The following APIP variants were observed in gnomAD, a reference collection of about 807,000 sequenced individuals.
APIP encodes the protein methylthioribulose-1-phosphate dehydratase.
A neutral mutation model predicts 32.0 loss-of-function variants in APIP; 32 were observed. The ratio of observed to expected loss-of-function variants is 1.00; its 90% confidence interval spans 0.76 to 1.34. The LOEUF (loss-of-function observed/expected upper bound fraction) is 1.34. Among genes scored for constraint, APIP ranks in the 40% most tolerant of loss-of-function variants. The pLI is 0.00. For missense variants in APIP, 247 were observed against 298.6 expected, an observed-to-expected ratio of 0.83 and a Z score of 1.27; for synonymous variants, 92 against 94.8, an observed-to-expected ratio of 0.97 and a Z score of 0.17.
At chr11:34,886,825 AC>A (rs1853080787) in intron 5 of APIP, among the ~76,000 whole-genome samples, 1 of 152,082 alleles carries the variant, frequency 6.6e-6, no homozygotes, top group Non-Finnish European at 1.5e-5. Flanking sequence ...TATACCATAT[AC>A]CCTGGGTGTG....
At chr11:34,888,205 T>A in intron 5 of APIP, 88 bp downstream of exon 5, 1 of 1,221,684 alleles carries the variant, frequency 8.2e-7, no homozygotes. Flanking sequence ...CGACATCTCA[T>A]TATATGCATA....
intron 5 of APIP, among the ~76,000 whole-genome samples, chr11:34,887,688 T>TC (rs1853101978): frequency 6.6e-6 from 1 of 152,174 alleles, no homozygotes; most frequent in African/African-American, 2.4e-5. Flanking sequence ...GCTTAGCTTG[T>TC]CCCTGAACAC....
chr11:34,890,323 C>T (rs72926580), intron 3 of APIP, among the ~76,000 whole-genome samples, 181 bp downstream of exon 3: 33,783 of 151,986 alleles, frequency 0.22, 4,918 homozygotes, highest in Non-Finnish European at 0.34. Context: ...AAACATACAC[C>T]GGTTGTATGG....
Position 34,906,016 on chromosome 11 carries a change from T to C in APIP, c.57+10212A>G, listed in dbSNP as rs12278336. On this transcript the variant is annotated intron_variant, in intron 1 of 6. Coordinates refer to ENST00000395787, the MANE Select transcript of APIP (RefSeq NM_015957.4). ...CTCACTTGACATGTCGAATTCCAAA[T>C]GGCATCGTAAATATTGTAAATATGG... Among the ~76,000 whole-genome samples, 221 of 152,298 alleles carry C rather than the reference T, an allele frequency of 1.5e-3. 1 individual carries two copies. The highest frequency in any genetic ancestry group is 5.1e-3 in the African/African-American group (213 of 41,562).
chr11:34,885,562 G>A (rs1324124941), intron 5 of APIP, among the ~76,000 whole-genome samples: 2 of 152,094 alleles, frequency 1.3e-5, no homozygotes, highest in Non-Finnish European at 2.9e-5. Context: ...AAGAGATAAC[G>A]AGAAATGGGG....
Position 34,893,926 on chromosome 11 carries a change from C to T in APIP, c.158+1084G>A, listed in dbSNP as rs554424821. Among the ~76,000 whole-genome samples the T allele has an allele frequency of 3.3e-5, 5 of 152,214 alleles. No homozygotes were observed. In the East Asian group the frequency reaches 9.7e-4, roughly 29 times the overall value. On this transcript the variant is annotated intron_variant, in intron 2 of 6. Coordinates refer to ENST00000395787, the MANE Select transcript of APIP (RefSeq NM_015957.4). ...ACAGCACATAAATATTTTAATAATC[C>T]AATTTTGTTAAAGAAAGTGAATTAG...
At chr11:34,911,642 CA>C (rs1853552726) in intron 1 of APIP, among the ~76,000 whole-genome samples, 1 of 152,064 alleles carries the variant, frequency 6.6e-6, no homozygotes, top group African/African-American at 2.4e-5. Context: ...CTTAAAAAAG[CA>C]AAACTAAACA....
intron 1 of APIP, chr11:34,896,643 G>A: frequency 1.9e-6 from 1 of 525,526 alleles, no homozygotes; most frequent in South Asian, 1.8e-5. Context: ...GAGGGGTGCA[G>A]CAAACCACCA....
At chr11:34,887,334 T>G (rs2956094) in intron 5 of APIP, among the ~76,000 whole-genome samples, 56,569 of 151,986 alleles carry the variant, frequency 0.37, 10,899 homozygotes, top group East Asian at 0.74. Context: ...CCATAAGGCC[T>G]CTCCTTCAGC....
chr11:34,887,365 T>A (rs893401321), intron 5 of APIP, among the ~76,000 whole-genome samples: 2 of 152,192 alleles, frequency 1.3e-5, no homozygotes, highest in African/African-American at 2.4e-5. Flanking sequence ...GAAGAGGCAA[T>A]CTGGGGCTCT....
intron 1 of APIP, 81 bp downstream of exon 1, chr11:34,916,147 C>A: frequency 1.3e-6 from 2 of 1,538,958 alleles, no homozygotes; most frequent in South Asian, 1.2e-5. Context: ...CGGCCCGCTA[C>A]CCTGCGCCCA....
At chr11:34,890,696 G>T in intron 2 of APIP, 144 bp from the exon 3 acceptor site, 1 of 750,482 alleles carries the variant, frequency 1.3e-6, no homozygotes, top group Non-Finnish European at 2.1e-6. Context: ...TGGCTGCATA[G>T]AAAGAAAGCC....
chr11:34,886,924 T>G (rs775112044), intron 5 of APIP, among the ~76,000 whole-genome samples: 1 of 152,152 alleles, frequency 6.6e-6, no homozygotes, highest in Non-Finnish European at 1.5e-5. Context: ...GCAGAACATA[T>G]CCCCATCCAC....
At chr11:34,883,297 G>T in intron 6 of APIP, 40 bp downstream of exon 6, 2 of 1,541,106 alleles carry the variant, frequency 1.3e-6, no homozygotes, top group Non-Finnish European at 1.8e-6. Context: ...ACATTTAGCG[G>T]GTGGTAACTT....
chr11:34,899,469 G>T (rs1478435781), intron 1 of APIP, among the ~76,000 whole-genome samples: 1 of 152,182 alleles, frequency 6.6e-6, no homozygotes, highest in Non-Finnish European at 1.5e-5. Context: ...AGCTAGTAAG[G>T]GGATTTTAAG....
At position 34,888,800 on chromosome 11, in the gene APIP, T is replaced by A. The variant is rs1324356782; in HGVS notation, c.277A>T (p.Lys93Ter). ...AAAAGAGGAGTACACTGGCTTTTTT[T>A]TAGCTTCTTCGATGGCGAAGGTCCA... is the stretch of plus-strand genomic sequence containing the variant. ...ISGPSPSKKL[K>*]KSQCTPLFMN... The change falls in exon 4 of 7, where the codon AAA becomes TAA. Residue 93 changes from lysine to a stop codon, truncating the protein, a stop_gained. Transcript: ENST00000395787. LOFTEE classifies it high-confidence loss of function. The A allele has an allele frequency of 6.6e-7, 1 of 1,519,436 alleles. No individual in the cohort carries two copies. The highest frequency in any genetic ancestry group is 2.7e-5 in the Admixed American group (1 of 37,254). The allele number at this position is 1,519,436 out of a possible 1,614,324, so 94.1% of individuals were successfully genotyped here.
At chr11:34,883,118 AACTT>A (rs1381980020) in intron 6 of APIP, among the ~76,000 whole-genome samples, 3 of 152,216 alleles carry the variant, frequency 2.0e-5, no homozygotes. Context: ...GAACTTTTGT[AACTT>A]GGGATCTGTG....
intron 1 of APIP, among the ~76,000 whole-genome samples, chr11:34,895,521 T>A (rs1371408828): frequency 1.3e-5 from 2 of 152,258 alleles, no homozygotes; most frequent in African/African-American, 4.8e-5. Context: ...TGAGATATTA[T>A]GATAGTTACA....
At chr11:34,902,899 G>A (rs1466434208) in intron 1 of APIP, among the ~76,000 whole-genome samples, 1 of 152,196 alleles carries the variant, frequency 6.6e-6, no homozygotes, top group Non-Finnish European at 1.5e-5. Context: ...GGTGGCTAAA[G>A]GATGGCCAGC....
Sources: allele counts gnomAD v4.1 joint callset (sites outside exome capture counted in the v4.1 genomes callset), GRCh38; gene constraint gnomAD v4.1.1; transcripts MANE v1.5; gene names NCBI Gene and HGNC (gene_info 2026-07-23, HGNC 2026-07-21).